The following PCDHGA6 variants were observed in gnomAD, a reference collection of about 807,000 sequenced individuals.
The protein encoded by PCDHGA6 is protocadherin gamma-A6.
A neutral mutation model predicts 60.6 loss-of-function variants in PCDHGA6; 41 were observed. That is an observed-to-expected ratio of 0.68 (90% CI 0.53 to 0.88). PCDHGA6 has a LOEUF of 0.88. Ranked by LOEUF, PCDHGA6 falls within the 40% of genes least tolerant of loss-of-function variation. The pLI is 0.00. For missense variants in PCDHGA6, 1,312 were observed against 1,203.0 expected (o/e 1.09, Z -1.34); for synonymous variants, 594 against 524.4 (o/e 1.13, Z -1.81).
intron 1 of PCDHGA6, among the ~76,000 whole-genome samples, chr5:141,448,712 G>A (rs1439461223): frequency 1.3e-5 from 2 of 152,004 alleles, no homozygotes; most frequent in African/African-American, 2.4e-5. Flanking sequence ...AGGCCGAGGC[G>A]GGAGGATCAC....
intron 2 of PCDHGA6, among the ~76,000 whole-genome samples, chr5:141,503,393 G>A (rs954734829): frequency 2.0e-5 from 3 of 151,824 alleles, no homozygotes; most frequent in African/African-American, 4.8e-5. Flanking sequence ...TCAGGAGTTC[G>A]AAACCAACCT....
intron 1 of PCDHGA6, chr5:141,378,037 A>G (rs898518521): frequency 1.3e-5 from 2 of 152,204 alleles, no homozygotes; most frequent in African/African-American, 4.8e-5. Flanking sequence ...TTAAAACAAG[A>G]CTTTCCTTAT....
chr5:141,426,717 G>A (rs974405285), intron 1 of PCDHGA6: 1 of 446,052 alleles, frequency 2.2e-6, no homozygotes, highest in African/African-American at 2.0e-5. Flanking sequence ...CAATGAACTA[G>A]CAATTCCAGG....
intron 1 of PCDHGA6, chr5:141,492,015 G>A (rs117345436): frequency 3.3e-6 from 2 of 600,492 alleles, no homozygotes; most frequent in African/African-American, 1.9e-5. Context: ...CGCGGGTGTC[G>A]GGGGTCCCGG....
At chr5:141,384,961 G>A (rs774549251) in intron 1 of PCDHGA6, 1 of 1,614,096 alleles carries the variant, frequency 6.2e-7, no homozygotes, top group South Asian at 1.1e-5. Context: ...TTACAACTAT[G>A]ACCTCACGTT....
At chr5:141,385,662 A>G (rs2090316045) in intron 1 of PCDHGA6, 11 of 492,642 alleles carry the variant, frequency 2.2e-5, no homozygotes, top group Non-Finnish European at 2.8e-5. Context: ...GTTAGCAGGA[A>G]TAAAACACAC....
intron 2 of PCDHGA6, among the ~76,000 whole-genome samples, chr5:141,499,689 CTTTTT>C (rs545067566): frequency 3.3e-5 from 4 of 119,852 alleles, no homozygotes; most frequent in Non-Finnish European, 3.5e-5. Flanking sequence ...TAACAGATGA[CTTTTT>C]TTTTTTTTTT....
At chr5:141,410,849 C>CTTTTTTTTTTTTTTTTTTTCTT (rs2095436178) in intron 1 of PCDHGA6, 1 of 129,786 alleles carries the variant, frequency 7.7e-6, no homozygotes, top group Non-Finnish European at 1.3e-5. Context: ...TTGTCTTTGT[C>CTTTTTTTTTTTTTTTTTTTCTT]TTTTTTTTTT....
Position 141,374,101 on chromosome 5 carries a change from G to C in PCDHGA6, c.18G>C (p.Arg6Ser), listed in dbSNP as rs752730619. ...AGCCAGTAATGGCGCCTCCGCAGAG[G>C]CATCCGCAGCGCAGCGAGCAGGTCC... MAPPQ[R>S]HPQRSEQVLL... Residue 6 changes from arginine to serine, a missense_variant, in exon 1 of 4, where the codon AGG becomes AGC. By Grantham distance (110) the Arg-to-Ser change is moderately radical. Coordinates refer to ENST00000517434, the MANE Select transcript of PCDHGA6 (RefSeq NM_018919.3). 1 of 1,565,508 alleles carries C rather than the reference G, an allele frequency of 6.4e-7. No homozygotes were observed. Among genetic ancestry groups the C allele is most frequent in the Admixed American group, 1.9e-5 (1 of 53,132 alleles).
At chr5:141,472,113 A>C (rs1296591849) in intron 1 of PCDHGA6, among the ~76,000 whole-genome samples, 1 of 152,260 alleles carries the variant, frequency 6.6e-6, no homozygotes, top group Non-Finnish European at 1.5e-5. Context: ...ATACATAAAG[A>C]AAATAAAAGA....
At chr5:141,392,925 G>A (rs1230996735) in intron 1 of PCDHGA6, 22 of 1,613,946 alleles carry the variant, frequency 1.4e-5, no homozygotes, top group Non-Finnish European at 1.9e-5. Flanking sequence ...TGTGCCAGAA[G>A]AGACGGACAA....
intron 1 of PCDHGA6, chr5:141,400,651 C>G (rs2094056317): frequency 8.6e-7 from 1 of 1,166,874 alleles, no homozygotes; most frequent in African/African-American, 1.5e-5. Flanking sequence ...GAAAGCTGTC[C>G]TACCATTCTT....
rs1472816403 is a variant in PCDHGA6 at position 141,451,473 on chromosome 5, C to T, written c.2425-43334C>T. On this transcript the variant is annotated intron_variant, in intron 1 of 3. Transcript: ENST00000517434. ...TGTTAGCTTGAGGTCTACCTCAGTTCCTTGCCATGTGGACCTCCATAGGGC... is the reference window on the plus strand; with the variant it reads ...TGTTAGCTTGAGGTCTACCTCAGTTTCTTGCCATGTGGACCTCCATAGGGC... Among the ~76,000 whole-genome samples the T allele has an allele frequency of 2.0e-5, 3 of 152,218 alleles. No homozygotes were observed. In the East Asian group the frequency reaches 5.8e-4, roughly 29 times the overall value.
intron 3 of PCDHGA6, chr5:141,507,313 T>TAC (rs1554192306): frequency 6.7e-6 from 1 of 150,168 alleles, no homozygotes. Context: ...CATAATGTAC[T>TAC]AAAAAAAAAA....
chr5:141,475,381 T>G (rs1182018899), intron 1 of PCDHGA6, among the ~76,000 whole-genome samples: 3 of 152,226 alleles, frequency 2.0e-5, no homozygotes, highest in Non-Finnish European at 4.4e-5. Flanking sequence ...ACTTTTAAAT[T>G]TTATAAGCCA....
chr5:141,477,749 C>A lies in PCDHGA6; in HGVS notation c.2425-17058C>A, dbSNP rs2099417192. The A allele has an allele frequency of 6.2e-7, 1 of 1,613,786 alleles. No homozygotes were observed. Among genetic ancestry groups the A allele is most frequent in the African/African-American group, 1.3e-5 (1 of 74,928 alleles). ...AGCTCATATCAGCGATGGGGGCACCCCGGTCCTAGCCACCAACATCAGCGT... is the reference window on the plus strand; with the variant it reads ...AGCTCATATCAGCGATGGGGGCACCACGGTCCTAGCCACCAACATCAGCGT... On this transcript the variant is annotated intron_variant, in intron 1 of 3. Coordinates refer to ENST00000517434, the MANE Select transcript of PCDHGA6 (RefSeq NM_018919.3). This position sits in a 1 kb window ranked among gnomAD's most constrained non-coding sequence, Gnocchi z 4.9.
At position 141,432,782 on chromosome 5, in the gene PCDHGA6, C is replaced by G. The variant is rs547164205; in HGVS notation, c.2424+56275C>G. On this transcript the variant is annotated intron_variant, in intron 1 of 3. Transcript: ENST00000517434. The surrounding 1 kb of genome is among the most constrained non-coding windows in gnomAD (Gnocchi z 6.0). ...CAGCATCCCCCAAGTCCTGGCGGACCTCGGCAGCCTCGAGTCTCCAGCTAA... is the reference window on the plus strand; with the variant it reads ...CAGCATCCCCCAAGTCCTGGCGGACGTCGGCAGCCTCGAGTCTCCAGCTAA... 4.3e-6 allele frequency: 7 copies of G among 1,614,046 alleles called. No individual in the cohort carries two copies. The highest frequency in any genetic ancestry group is 3.3e-4 in the Middle Eastern group (2 of 6,084).
chr5:141,414,463 G>T, intron 1 of PCDHGA6: 1 of 1,613,932 alleles, frequency 6.2e-7, no homozygotes. Flanking sequence ...GACAGCCACA[G>T]ATGGGGGAAG....
chr5:141,416,178 C>G (rs1392436592), intron 1 of PCDHGA6: 3 of 152,408 alleles, frequency 2.0e-5, no homozygotes, highest in African/African-American at 2.4e-5. Context: ...CTAAGTTTTT[C>G]ATTAATATTG....
Sources: gnomAD v4.1 joint callset for allele counts (sites outside exome capture counted in the v4.1 genomes callset) on GRCh38, gnomAD v4.1.1 for gene constraint, Gnocchi (gnomAD v3.1) non-coding constraint, MANE v1.5 for transcripts, NCBI Gene and HGNC (gene_info 2026-07-23, HGNC 2026-07-21) for gene names.